The following NEK1 variants were observed in gnomAD, a reference collection of about 807,000 sequenced individuals.
NEK1 encodes the protein serine/threonine-protein kinase Nek1.
NEK1 carries 137 observed loss-of-function variants against 182.1 expected under a neutral mutation model. The ratio of observed to expected loss-of-function variants is 0.75; its 90% CI spans 0.65 to 0.87. NEK1 has a LOEUF of 0.87. Among genes scored for constraint, NEK1 ranks in the 40% least tolerant of loss-of-function variants. The probability of loss-of-function intolerance (pLI) is 0.00; values close to 1 mark genes in which losing one functional copy is unlikely to be tolerated. For missense variants in NEK1, 1,391 were observed against 1,494.4 expected, an observed-to-expected ratio of 0.93 and a Z score of 1.14; for synonymous variants, 513 against 492.2, an observed-to-expected ratio of 1.04 and a Z score of -0.56.
chr4:169,488,095 T>C lies in NEK1; in HGVS notation c.2008-8561A>G, dbSNP rs867214289. ...TTAGCTCTTTGTCAGATGGATAGAT[T>C]GCAAAAATTTTCTCCCATTCTGTAG... On this transcript the variant is annotated intron_variant, in intron 23 of 35. Transcript: ENST00000507142. Among the ~76,000 whole-genome samples the C allele has an allele frequency of 6.6e-5, 10 of 152,328 alleles. No individual in the cohort carries two copies. The Middle Eastern group carries it at 0.01, about 155-fold the overall frequency.
chr4:169,477,091 C>A (rs1434503057), intron 26 of NEK1, 33 bp downstream of exon 26: 3 of 1,450,448 alleles, frequency 2.1e-6, no homozygotes, highest in Admixed American at 2.0e-5. Context: ...TGTACTAGAC[C>A]TAAATAGGAT....
At chr4:169,504,264 A>G (rs993294821) in intron 23 of NEK1, among the ~76,000 whole-genome samples, 1 of 152,084 alleles carries the variant, frequency 6.6e-6, no homozygotes, top group Non-Finnish European at 1.5e-5. Context: ...ACCCTCTTAC[A>G]CTCGTACACT....
At chr4:169,568,083 C>G (rs929785968) in intron 12 of NEK1, among the ~76,000 whole-genome samples, 2 of 152,188 alleles carry the variant, frequency 1.3e-5, no homozygotes, top group Admixed American at 6.5e-5. Context: ...TATCATTTAT[C>G]CAGATTCACC....
chr4:169,491,684 G>C (rs1750123653), intron 23 of NEK1, among the ~76,000 whole-genome samples: 2 of 152,090 alleles, frequency 1.3e-5, no homozygotes. Flanking sequence ...AAACTCACTG[G>C]TAGAGAGGTA....
intron 27 of NEK1, among the ~76,000 whole-genome samples, chr4:169,458,772 T>G (rs997299216): frequency 6.9e-6 from 1 of 144,824 alleles, no homozygotes; most frequent in African/African-American, 2.6e-5. Flanking sequence ...GAGGCTGCAG[T>G]GAGCCATGTT....
chr4:169,611,228 C>A (rs1297161334), intron 2 of NEK1, among the ~76,000 whole-genome samples: 2 of 152,100 alleles, frequency 1.3e-5, no homozygotes, highest in Admixed American at 1.3e-4. Flanking sequence ...TGGTCAAGTC[C>A]GACGACCTTT....
chr4:169,528,429 A>G (rs10010203), intron 19 of NEK1, among the ~76,000 whole-genome samples: 4,660 of 152,268 alleles, frequency 0.031, 186 homozygotes, highest in African/African-American at 0.085. Context: ...CCACGAGGAA[A>G]TAAATTCTCT....
rs115640732 is a variant in NEK1 at position 169,456,623 on chromosome 4, A to C, written c.2587+6620T>G. Among the ~76,000 whole-genome samples the C allele has an allele frequency of 7.6e-3, 1,155 of 152,302 alleles. 28 individuals carry two copies. Among genetic ancestry groups the C allele is most frequent in the African/African-American group, 0.026 (1,061 of 41,576 alleles). ...TTGGAAAACTTAGAAGAAATGGATAAATTTCTAGACATATATAACTGTTTG... is the reference window on the plus strand; with the variant it reads ...TTGGAAAACTTAGAAGAAATGGATACATTTCTAGACATATATAACTGTTTG... On this transcript the variant is annotated intron_variant, in intron 27 of 35. Transcript: ENST00000507142.
At chr4:169,527,085 AACT>A (rs1756997598) in intron 19 of NEK1, among the ~76,000 whole-genome samples, 1 of 152,340 alleles carries the variant, frequency 6.6e-6, no homozygotes, top group African/African-American at 2.4e-5. Context: ...ACAAAAGATT[AACT>A]ACAAGAGAAA....
At chr4:169,453,949 C>T (rs1337921546) in intron 27 of NEK1, among the ~76,000 whole-genome samples, 1 of 152,222 alleles carries the variant, frequency 6.6e-6, no homozygotes, top group African/African-American at 2.4e-5. Flanking sequence ...GCTACAGTAA[C>T]CAAAACAGCA....
chr4:169,563,178 A>C (rs924423160), intron 12 of NEK1, among the ~76,000 whole-genome samples: 4 of 151,956 alleles, frequency 2.6e-5, no homozygotes, highest in Non-Finnish European at 4.4e-5. Context: ...TGGATAACAT[A>C]GTGAGTCCCC....
At chr4:169,564,269 T>C (rs1038138079) in intron 12 of NEK1, among the ~76,000 whole-genome samples, 28 of 152,070 alleles carry the variant, frequency 1.8e-4, no homozygotes, top group African/African-American at 6.0e-4. Flanking sequence ...TGGATTTCAA[T>C]ACAAAGGAAA....
chr4:169,511,610 T>A (rs1379018201), intron 19 of NEK1, among the ~76,000 whole-genome samples: 1 of 152,140 alleles, frequency 6.6e-6, no homozygotes, highest in African/African-American at 2.4e-5. Context: ...CATAGCTACA[T>A]TACACCATCA....
chr4:169,602,912 C>T (rs1770732082), intron 2 of NEK1, among the ~76,000 whole-genome samples: 1 of 151,912 alleles, frequency 6.6e-6, no homozygotes, highest in East Asian at 1.9e-4. Flanking sequence ...TTTGGAAAGC[C>T]AAATACTGCA....
chr4:169,399,504 G>T (rs1273643734), intron 35 of NEK1, among the ~76,000 whole-genome samples: 1 of 152,060 alleles, frequency 6.6e-6, no homozygotes, highest in Admixed American at 6.5e-5. Context: ...TTGAGCCCAG[G>T]GGGTGGAGGT....
intron 23 of NEK1, among the ~76,000 whole-genome samples, chr4:169,492,819 C>T (rs1750357003): frequency 6.6e-6 from 1 of 152,098 alleles, no homozygotes; most frequent in South Asian, 2.1e-4. Context: ...ACAAACTGCC[C>T]CTCAAGGAGG....
At chr4:169,527,534 GCTA>G (rs1345580575) in intron 19 of NEK1, among the ~76,000 whole-genome samples, 7 of 152,098 alleles carry the variant, frequency 4.6e-5, no homozygotes, top group African/African-American at 1.7e-4. Context: ...AGAGGGTAAA[GCTA>G]CTATGTTGGA....
chr4:169,472,876 A>G (rs553222599), intron 26 of NEK1, among the ~76,000 whole-genome samples: 6 of 152,354 alleles, frequency 3.9e-5, no homozygotes, highest in Middle Eastern at 3.4e-3. Flanking sequence ...AACAGAACAC[A>G]GGCAAATTAT....
chr4:169,510,565 T>C (rs937076799), intron 19 of NEK1, among the ~76,000 whole-genome samples: 6 of 152,160 alleles, frequency 3.9e-5, no homozygotes, highest in Non-Finnish European at 8.8e-5. Flanking sequence ...CAACTCATCC[T>C]ACCTCTAGTC....
Sources: allele counts gnomAD v4.1 joint callset (sites outside exome capture counted in the v4.1 genomes callset), GRCh38; gene constraint gnomAD v4.1.1; transcripts MANE v1.5; gene names NCBI Gene and HGNC (gene_info 2026-07-23, HGNC 2026-07-21).